NFIB: variants seen among roughly 807,000 people sequenced by gnomAD.
NFIB encodes the protein nuclear factor 1 B-type.
A neutral mutation model predicts 61.5 loss-of-function variants in NFIB; 11 were observed. The ratio of observed to expected loss-of-function variants is 0.18; its 90% CI spans 0.11 to 0.30. The LOEUF (loss-of-function observed/expected upper bound fraction) is 0.30, where lower values mean the gene tolerates loss of function less well. NFIB is among the 10% of genes least tolerant of loss of function. The pLI is 1.00. For missense variants in NFIB, 471 were observed against 608.9 expected (o/e 0.77, Z 2.38); for synonymous variants, 260 against 216.5 (o/e 1.20, Z -1.76).
chr9:14,360,860 G>A (rs1220578441), intron 1 of NFIB, among the ~76,000 whole-genome samples: 1 of 151,850 alleles, frequency 6.6e-6, no homozygotes, highest in African/African-American at 2.4e-5. Flanking sequence ...CTGGCCTTAT[G>A]GTGATTTTCA....
At chr9:14,295,599 C>G (rs1030081547) in intron 2 of NFIB, among the ~76,000 whole-genome samples, 17 of 151,858 alleles carry the variant, frequency 1.1e-4, no homozygotes, top group African/African-American at 3.6e-4. Flanking sequence ...CCACTGCACT[C>G]CAGCCTGGGC....
intron 1 of NFIB, among the ~76,000 whole-genome samples, chr9:14,377,513 G>C (rs374187540): frequency 6.6e-6 from 1 of 152,120 alleles, no homozygotes; most frequent in Admixed American, 6.5e-5. Flanking sequence ...CACCGTGCCT[G>C]GCCTGGAGAA....
intron 1 of NFIB, among the ~76,000 whole-genome samples, chr9:14,369,936 GCTAT>G (rs1168907975): frequency 1.3e-5 from 2 of 152,088 alleles, no homozygotes; most frequent in African/African-American, 2.4e-5. Flanking sequence ...AACTTTGGGG[GCTAT>G]CTCTTTACCC....
intron 2 of NFIB, among the ~76,000 whole-genome samples, chr9:14,258,936 A>C (rs2056483800): frequency 6.6e-6 from 1 of 152,176 alleles, no homozygotes; most frequent in African/African-American, 2.4e-5. Context: ...ATCTGGCTTC[A>C]TTTGGAGGCT....
intron 1 of NFIB, among the ~76,000 whole-genome samples, chr9:14,343,824 AG>A (rs1404590566): frequency 3.7e-5 from 2 of 54,262 alleles, no homozygotes; most frequent in East Asian, 5.7e-4. Flanking sequence ...CTTGGGGACA[AG>A]GGGGGGTCGG....
intron 1 of NFIB, among the ~76,000 whole-genome samples, chr9:14,367,740 G>A (rs1223601704): frequency 1.3e-5 from 2 of 152,154 alleles, no homozygotes; most frequent in African/African-American, 4.8e-5. Flanking sequence ...GGACATGGAT[G>A]AAGCTGGAAA....
the NFIB span, among the ~76,000 whole-genome samples, chr9:14,458,042 A>G: frequency 6.6e-6 from 1 of 152,202 alleles, no homozygotes; most frequent in Admixed American, 6.5e-5. Context: ...CCTGATACCA[A>G]AGCCTGACAG....
At chr9:14,481,195 G>GTATATATATA in the NFIB span, among the ~76,000 whole-genome samples, 3 of 35,062 alleles carry the variant, frequency 8.6e-5, no homozygotes, top group African/African-American at 1.9e-4. Flanking sequence ...GTGTGTGTGT[G>GTATATATATA]TGTATATATA....
chr9:14,499,545 T>C, the NFIB span, among the ~76,000 whole-genome samples: 1 of 152,186 alleles, frequency 6.6e-6, no homozygotes, highest in Non-Finnish European at 1.5e-5. Flanking sequence ...GCCTCCTGGA[T>C]TGTGAAAATG....
Position 14,085,438 on chromosome 9 carries a change from G to A in NFIB, c.*2871C>T, listed in dbSNP as rs2032705807. ...CTCCATTCAGCCTCTAGCCCTCAGG[G>A]GAAACGAAATCAAATATATAGTTAA... On this transcript the variant is annotated 3_prime_UTR_variant, in exon 11 of 11. Transcript: ENST00000380953. 4.5e-6 allele frequency: 1 copy of A among 221,102 alleles called. No homozygotes were observed. Among genetic ancestry groups the A allele is most frequent in the African/African-American group, 2.2e-5 (1 of 44,484 alleles). The allele number at this position is 221,102 out of a possible 1,614,324, so 13.7% of individuals were successfully genotyped here.
At chr9:14,415,217 C>A in the NFIB span, among the ~76,000 whole-genome samples, 2 of 152,194 alleles carry the variant, frequency 1.3e-5, no homozygotes, top group Non-Finnish European at 2.9e-5. Flanking sequence ...TGATTAGAGA[C>A]TGCCCTCAGC....
At chr9:14,431,892 T>C in the NFIB span, among the ~76,000 whole-genome samples, 1 of 152,330 alleles carries the variant, frequency 6.6e-6, no homozygotes, top group Non-Finnish European at 1.5e-5. Flanking sequence ...CCCCCACTGC[T>C]TTTCTTTTAA....
rs2033100104 is a variant in NFIB at position 14,087,809 on chromosome 9, C to G, written c.*500G>C. 4.5e-6 allele frequency: 1 copy of G among 221,698 alleles called. No homozygotes were observed. The allele number at this position is 221,698 out of a possible 1,614,324, so 13.7% of individuals were successfully genotyped here. On this transcript the variant is annotated 3_prime_UTR_variant, in exon 11 of 11. Coordinates refer to ENST00000380953, the MANE Select transcript of NFIB (RefSeq NM_001190737.2). The stretch of plus-strand genomic sequence containing the variant: ...TCCTAGCCTTCGTTGGTGAGATAAC[C>G]AGGAATAGTGATTCCATGCGTAAAC...
chr9:14,371,495 T>C (rs778677877), intron 1 of NFIB, among the ~76,000 whole-genome samples: 7 of 152,184 alleles, frequency 4.6e-5, no homozygotes, highest in Non-Finnish European at 8.8e-5. Flanking sequence ...GGGTGATCTC[T>C]GGGCAAGTCA....
At chr9:14,383,617 A>C (rs920749945) in intron 1 of NFIB, among the ~76,000 whole-genome samples, 2 of 152,194 alleles carry the variant, frequency 1.3e-5, no homozygotes, top group African/African-American at 4.8e-5. Context: ...AGTTCTGTTA[A>C]GAACATAGTT....
At chr9:14,224,834 G>C (rs1187260483) in intron 2 of NFIB, among the ~76,000 whole-genome samples, 2 of 152,220 alleles carry the variant, frequency 1.3e-5, no homozygotes, top group African/African-American at 4.8e-5. Context: ...CTTTAAAATA[G>C]GAATACAGTA....
At chr9:14,441,716 G>A in the NFIB span, among the ~76,000 whole-genome samples, 1 of 152,074 alleles carries the variant, frequency 6.6e-6, no homozygotes, top group African/African-American at 2.4e-5. Flanking sequence ...CCAGTGGTGA[G>A]TGAATGGGCC....
the NFIB span, among the ~76,000 whole-genome samples, chr9:14,471,266 C>T: frequency 6.6e-6 from 1 of 152,204 alleles, no homozygotes; most frequent in Non-Finnish European, 1.5e-5. Flanking sequence ...GCATGTAGGA[C>T]ATGAAGTCTG....
chr9:14,453,935 G>A, the NFIB span, among the ~76,000 whole-genome samples: 1 of 151,950 alleles, frequency 6.6e-6, no homozygotes, highest in Non-Finnish European at 1.5e-5. Flanking sequence ...ACAAAAATTA[G>A]CTGGGCACGG....
Sources: gnomAD v4.1 joint callset for allele counts (sites outside exome capture counted in the v4.1 genomes callset) on GRCh38, gnomAD v4.1.1 for gene constraint, MANE v1.5 for transcripts, NCBI Gene and HGNC (gene_info 2026-07-23, HGNC 2026-07-21) for gene names.